The following CACNA1E variants were observed in gnomAD, a reference collection of about 807,000 sequenced individuals.
CACNA1E encodes voltage-dependent R-type calcium channel subunit alpha-1E.
In CACNA1E, 40 loss-of-function variants were observed where a neutral mutation model predicts 259.2. That is an observed-to-expected ratio of 0.15 (90% CI 0.12 to 0.20). CACNA1E has a LOEUF of 0.20. CACNA1E is among the 10% of genes least tolerant of loss of function. The pLI, the probability that CACNA1E is intolerant of heterozygous loss-of-function variation, is 1.00. For synonymous variants in CACNA1E, 1,104 were observed against 1,138.5 expected, an observed-to-expected ratio of 0.97 and a Z score of 0.61; for missense variants, 1,874 against 3,040.1, an observed-to-expected ratio of 0.62 and a Z score of 9.02.
chr1:181,477,184 A>C (rs1205599847), intron 2 of CACNA1E, among the ~76,000 whole-genome samples: 3 of 147,170 alleles, frequency 2.0e-5, no homozygotes, highest in Non-Finnish European at 3.0e-5. Flanking sequence ...CTAAACATTC[A>C]TGCTGCAGGC....
chr1:181,373,761 G>T (rs1018288379), intron 1 of CACNA1E, among the ~76,000 whole-genome samples: 1 of 152,032 alleles, frequency 6.6e-6, no homozygotes, highest in South Asian at 2.1e-4. Flanking sequence ...TCCTGACCTT[G>T]TGATCCGCCC....
At chr1:181,406,421 G>A (rs1657467032) in intron 1 of CACNA1E, among the ~76,000 whole-genome samples, 1 of 151,676 alleles carries the variant, frequency 6.6e-6, no homozygotes, top group South Asian at 2.1e-4. Context: ...TTTTGAGATG[G>A]AGTCTCGTTC....
At chr1:181,319,405 G>GA (rs1268811077) in intron 1 of CACNA1E, among the ~76,000 whole-genome samples, 1 of 152,138 alleles carries the variant, frequency 6.6e-6, no homozygotes. Flanking sequence ...TAGACACCAG[G>GA]AAAAAACTTC....
intron 3 of CACNA1E, among the ~76,000 whole-genome samples, chr1:181,513,495 G>A (rs1666316007): frequency 6.6e-6 from 1 of 152,212 alleles, no homozygotes; most frequent in South Asian, 2.1e-4. Context: ...AATTATTAAA[G>A]ATGCTCCAAC....
Position 181,800,760 on chromosome 1 carries a change from A to G in CACNA1E, c.*1926A>G, listed in dbSNP as rs1335960834. Reference sequence around the variant, plus strand: ...TAAATTGAAATATAATAGCTGCATCAGCCCTGAAAAGCCAAATTCAACCAC... The same window carrying G: ...TAAATTGAAATATAATAGCTGCATCGGCCCTGAAAAGCCAAATTCAACCAC... On this transcript the variant is annotated 3_prime_UTR_variant, in exon 48 of 48. Coordinates refer to ENST00000367573, the MANE Select transcript of CACNA1E (RefSeq NM_001205293.3). The G allele has an allele frequency of 6.5e-6, 1 of 152,676 alleles. No homozygotes were observed. Among genetic ancestry groups the G allele is most frequent in the African/African-American group, 2.4e-5 (1 of 41,458 alleles). The allele number at this position is 152,676 out of a possible 1,614,324, so 9.5% of individuals were successfully genotyped here. A position where few individuals can be genotyped will look rare whatever the true frequency, so the allele number is the denominator to read the frequency against.
chr1:181,464,130 C>G (rs1489762595), intron 2 of CACNA1E, among the ~76,000 whole-genome samples: 1 of 152,052 alleles, frequency 6.6e-6, no homozygotes, highest in Non-Finnish European at 1.5e-5. Context: ...CCCTCTCACC[C>G]ATGTCTCACT....
At chr1:181,471,053 T>C (rs1662474034) in intron 2 of CACNA1E, among the ~76,000 whole-genome samples, 1 of 152,206 alleles carries the variant, frequency 6.6e-6, no homozygotes, top group South Asian at 2.1e-4. Flanking sequence ...GGTCTCTGCT[T>C]TCTTGAATGC....
chr1:181,342,439 TG>T (rs1171049513), intron 1 of CACNA1E, among the ~76,000 whole-genome samples: 1 of 151,948 alleles, frequency 6.6e-6, no homozygotes, highest in Non-Finnish European at 1.5e-5. Flanking sequence ...AAAATAACCC[TG>T]GGAATTACTC....
At chr1:181,701,661 T>TC (rs1652271535) in intron 7 of CACNA1E, among the ~76,000 whole-genome samples, 1 of 152,166 alleles carries the variant, frequency 6.6e-6, no homozygotes, top group African/African-American at 2.4e-5. Flanking sequence ...GCCTTTATTT[T>TC]TCCAAACTGC....
intron 2 of CACNA1E, among the ~76,000 whole-genome samples, chr1:181,453,881 GATA>G (rs1661303204): frequency 1.3e-5 from 2 of 152,190 alleles, no homozygotes; most frequent in Admixed American, 1.3e-4. Context: ...CTTAGCCCCT[GATA>G]GGCTGGTCAC....
At chr1:181,328,051 A>C (rs1366730148) in intron 1 of CACNA1E, among the ~76,000 whole-genome samples, 1 of 152,220 alleles carries the variant, frequency 6.6e-6, no homozygotes, top group Non-Finnish European at 1.5e-5. Context: ...TAGTTGCAGA[A>C]GGTTTCAGAA....
chr1:181,702,392 T>G (rs1205341350), intron 7 of CACNA1E, among the ~76,000 whole-genome samples: 3 of 152,096 alleles, frequency 2.0e-5, no homozygotes, highest in Non-Finnish European at 4.4e-5. Flanking sequence ...ACCTGGAAGA[T>G]CTCCCTGCTT....
chr1:181,796,085 T>C (rs1437643868), intron 46 of CACNA1E, among the ~76,000 whole-genome samples: 1 of 152,168 alleles, frequency 6.6e-6, no homozygotes, highest in Non-Finnish European at 1.5e-5. Flanking sequence ...GTGTGTAGCA[T>C]AAATAGAAAC....
At chr1:181,430,438 G>A (rs139540767) in intron 2 of CACNA1E, among the ~76,000 whole-genome samples, 11 of 151,988 alleles carry the variant, frequency 7.2e-5, no homozygotes, top group Non-Finnish European at 1.5e-4. Context: ...GTGCAGCTGC[G>A]GGCATGTCCT....
At chr1:181,680,347 T>C (rs1217375239) in intron 7 of CACNA1E, among the ~76,000 whole-genome samples, 1 of 152,030 alleles carries the variant, frequency 6.6e-6, no homozygotes, top group Non-Finnish European at 1.5e-5. Flanking sequence ...AGGTCTGACG[T>C]GCTATGATGC....
intron 3 of CACNA1E, among the ~76,000 whole-genome samples, chr1:181,511,868 C>T (rs1047647168): frequency 1.3e-5 from 2 of 152,208 alleles, no homozygotes; most frequent in Non-Finnish European, 2.9e-5. Flanking sequence ...AAGCAGCTTA[C>T]CCCCGCCTGG....
chr1:181,805,917 G>C lies in CACNA1E; in HGVS notation c.*7083G>C, dbSNP rs1662592802. Reference sequence around the variant, plus strand: ...AGGTAGAAAGTAACAGGTCCCAGACGAGGACAGACTTAGAGATGTGTAACC... The same window carrying C: ...AGGTAGAAAGTAACAGGTCCCAGACCAGGACAGACTTAGAGATGTGTAACC... On this transcript the variant is annotated 3_prime_UTR_variant, in exon 48 of 48. Coordinates refer to ENST00000367573, the MANE Select transcript of CACNA1E (RefSeq NM_001205293.3). 1 of 152,260 alleles carries C rather than the reference G, an allele frequency of 6.6e-6. No individual in the cohort carries two copies. Among genetic ancestry groups the C allele is most frequent in the Non-Finnish European group, 1.5e-5 (1 of 68,068 alleles). 9.4% of individuals were successfully genotyped at this position (152,260 alleles called of 1,614,324 possible). A position where few individuals can be genotyped will look rare whatever the true frequency, so the allele number is the denominator to read the frequency against.
chr1:181,467,906 C>A (rs1662252332), intron 2 of CACNA1E, among the ~76,000 whole-genome samples: 1 of 152,188 alleles, frequency 6.6e-6, no homozygotes, highest in Admixed American at 6.5e-5. Flanking sequence ...GGAAGTATAT[C>A]TGGTGTCTAG....
At chr1:181,700,757 C>G (rs1047591400) in intron 7 of CACNA1E, among the ~76,000 whole-genome samples, 3 of 152,182 alleles carry the variant, frequency 2.0e-5, no homozygotes, top group African/African-American at 7.2e-5. Flanking sequence ...ACATCCCATC[C>G]CATTTTAATT....
Sources: gnomAD v4.1 joint callset for allele counts (sites outside exome capture counted in the v4.1 genomes callset) on GRCh38, gnomAD v4.1.1 for gene constraint, MANE v1.5 for transcripts, NCBI Gene and HGNC (gene_info 2026-07-23, HGNC 2026-07-21) for gene names.